The following RGS3 variants were observed in gnomAD, a reference collection of about 807,000 sequenced individuals.
The protein encoded by RGS3 is regulator of G protein signaling 3, also known as regulator of G-protein signalling 3.
In RGS3, 80 loss-of-function variants were observed where a neutral mutation model predicts 132.6. The ratio of observed to expected loss-of-function variants is 0.60; its 90% CI spans 0.50 to 0.73. The LOEUF is 0.73. Among genes scored for constraint, RGS3 ranks in the 30% least tolerant of loss-of-function variants. The pLI, the probability that RGS3 is intolerant of heterozygous loss-of-function variation, is 0.00. For missense variants in RGS3, 1,382 were observed against 1,530.8 expected (o/e 0.90, Z 1.62); for synonymous variants, 598 against 620.6 (o/e 0.96, Z 0.54).
At chr9:113,456,474 A>G (rs554208974), upstream of RGS3, among the ~76,000 whole-genome samples, 60 of 152,290 alleles carry the variant, frequency 3.9e-4, no homozygotes, top group East Asian at 1.3e-3. Context: ...AATTCCTTGC[A>G]TTCCATCTTC....
exon 25 of RGS3, chr9:113,597,204 C>T (rs922138358): frequency 7.0e-5 from 29 of 415,296 alleles, no homozygotes; most frequent in Middle Eastern, 6.4e-4. Flanking sequence ...GGTCAGGGGC[C>T]CTGGCCAAGC....
At chr9:113,560,524 C>T (rs919533950) in intron 19 of RGS3, among the ~76,000 whole-genome samples, 5 of 152,234 alleles carry the variant, frequency 3.3e-5, no homozygotes, top group African/African-American at 1.2e-4. Context: ...TCTGCCATGA[C>T]CCCCTCCAAG....
At chr9:113,582,284 A>C in intron 19 of RGS3, 1 of 792,770 alleles carries the variant, frequency 1.3e-6, no homozygotes, top group Non-Finnish European at 1.5e-6. Context: ...CATCCATCAA[A>C]TGGACATTAA....
chr9:113,591,208 C>A lies in RGS3; in HGVS notation c.3016-125C>A. The stretch of plus-strand genomic sequence containing the variant: ...GGGTTTCCCTCCCTCACCTGTGTGC[C>A]GCGGGTGGGGGCTTTGGGGATGGAA... On this transcript the variant is annotated intron_variant, in intron 20 of 24. Transcript: ENST00000350696. The surrounding 1 kb of genome is among the most constrained non-coding windows in gnomAD (Gnocchi z 4.4). 1.3e-6 allele frequency: 1 copy of A among 793,504 alleles called. No individual in the cohort carries two copies. 49.2% of individuals were successfully genotyped at this position (793,504 alleles called of 1,614,324 possible).
upstream of RGS3, among the ~76,000 whole-genome samples, chr9:113,458,160 G>A (rs374449535): frequency 7.0e-4 from 107 of 152,254 alleles, no homozygotes; most frequent in African/African-American, 2.4e-3. Flanking sequence ...CAAGCGATCC[G>A]CCTGCCTTGG....
upstream of RGS3, among the ~76,000 whole-genome samples, chr9:113,456,173 C>T (rs537339058): frequency 3.0e-3 from 462 of 152,334 alleles, 2 homozygotes; most frequent in Middle Eastern, 0.027. Context: ...TGGTACTACT[C>T]TTGGTTCTGT....
At chr9:113,525,992 A>T (rs1356144032) in intron 17 of RGS3, among the ~76,000 whole-genome samples, 1 of 152,196 alleles carries the variant, frequency 6.6e-6, no homozygotes, top group Non-Finnish European at 1.5e-5. Context: ...GCTGAATGGC[A>T]GTGTAATGGG....
chr9:113,553,428 G>A (rs866516800), intron 19 of RGS3, among the ~76,000 whole-genome samples: 1 of 73,546 alleles, frequency 1.4e-5, no homozygotes, highest in South Asian at 6.0e-4. Context: ...GGGCAACAGA[G>A]GGAAACTCTG....
At chr9:113,558,537 A>T (rs1459926456) in intron 19 of RGS3, among the ~76,000 whole-genome samples, 1 of 152,080 alleles carries the variant, frequency 6.6e-6, no homozygotes, top group African/African-American at 2.4e-5. Flanking sequence ...AGGGAAACAG[A>T]TGGTGCCATT....
At chr9:113,453,778 T>A (rs1829308761) in intron 1 of RGS3, among the ~76,000 whole-genome samples, 1 of 145,452 alleles carries the variant, frequency 6.9e-6, no homozygotes, top group Non-Finnish European at 1.5e-5. Flanking sequence ...TTATATAATA[T>A]ACTCATTATA....
chr9:113,587,049 C>T (rs988167731), intron 20 of RGS3, among the ~76,000 whole-genome samples: 2 of 152,216 alleles, frequency 1.3e-5, no homozygotes, highest in Admixed American at 6.5e-5. Context: ...TCTCACCTTC[C>T]TGACACTGCT....
At chr9:113,592,422 T>TC (rs1412101778) in intron 21 of RGS3, 1 of 152,006 alleles carries the variant, frequency 6.6e-6, no homozygotes, top group Admixed American at 6.6e-5. Flanking sequence ...AGGGCAGGCA[T>TC]CCCGGGTGCT....
intron 15 of RGS3, chr9:113,517,301 C>T (rs1831725260): frequency 3.1e-6 from 2 of 648,110 alleles, no homozygotes; most frequent in Non-Finnish European, 5.7e-6. Context: ...GAGTGTAGCT[C>T]TCACGGTGAG....
upstream of RGS3, among the ~76,000 whole-genome samples, chr9:113,456,597 A>G (rs917466180): frequency 1.3e-5 from 2 of 150,618 alleles, no homozygotes; most frequent in African/African-American, 2.4e-5. Flanking sequence ...TCTAAGAGCA[A>G]TTTTTGCTTC....
intron 7 of RGS3, among the ~76,000 whole-genome samples, chr9:113,489,958 G>A (rs1322314412): frequency 6.6e-6 from 1 of 152,176 alleles, no homozygotes; most frequent in African/African-American, 2.4e-5. Context: ...GTGAACTTGT[G>A]TTAGAGAAAC....
intron 4 of RGS3, among the ~76,000 whole-genome samples, chr9:113,481,261 T>A (rs1201693783): frequency 6.6e-6 from 1 of 152,230 alleles, no homozygotes; most frequent in Non-Finnish European, 1.5e-5. Context: ...GCCCTGACTA[T>A]ACTGTGCCAC....
At chr9:113,593,785 G>T in intron 21 of RGS3, 2 of 839,430 alleles carry the variant, frequency 2.4e-6, no homozygotes, top group Non-Finnish European at 3.8e-6. Context: ...GACCGGCAAG[G>T]CTAAAAATGG....
At chr9:113,534,999 A>T (rs937630818) in intron 18 of RGS3, among the ~76,000 whole-genome samples, 4 of 151,970 alleles carry the variant, frequency 2.6e-5, no homozygotes, top group African/African-American at 9.7e-5. Flanking sequence ...GCTGTATATT[A>T]TTTCTTTAAT....
intron 7 of RGS3, among the ~76,000 whole-genome samples, chr9:113,490,647 A>G (rs1285152897): frequency 6.9e-6 from 1 of 145,770 alleles, no homozygotes; most frequent in East Asian, 2.0e-4. Context: ...TATGTTCAAT[A>G]TATAATATAT....
Sources: gnomAD v4.1 joint callset for allele counts (sites outside exome capture counted in the v4.1 genomes callset) on GRCh38, gnomAD v4.1.1 for gene constraint, Gnocchi (gnomAD v3.1) non-coding constraint, MANE v1.5 for transcripts, NCBI Gene and HGNC (gene_info 2026-07-23, HGNC 2026-07-21) for gene names.